ANKRD28: variants seen among roughly 807,000 people sequenced by gnomAD.
ANKRD28 encodes the protein ankyrin repeat domain 28.
Under a neutral mutation model 126.5 loss-of-function variants are expected in ANKRD28, and 44 were observed. The ratio of observed to expected loss-of-function variants is 0.35; its 90% CI spans 0.27 to 0.45. The LOEUF (loss-of-function observed/expected upper bound fraction) is 0.45. Ranked by LOEUF, ANKRD28 falls within the 20% of genes least tolerant of loss-of-function variation. ANKRD28 has a pLI of 1.00. For missense variants in ANKRD28, 1,110 were observed against 1,316.6 expected (o/e 0.84, Z 2.43); for synonymous variants, 442 against 468.5 (o/e 0.94, Z 0.73).
At chr3:15,798,273 A>G (rs2060368482), upstream of ANKRD28, 1 of 557,726 alleles carries the variant, frequency 1.8e-6, no homozygotes, top group Non-Finnish European at 2.3e-6. Flanking sequence ...TGACAGTTGC[A>G]GTAAGAATAT....
intron 17 of ANKRD28, among the ~76,000 whole-genome samples, chr3:15,690,701 A>T (rs1174596978): frequency 3.3e-5 from 5 of 152,118 alleles, no homozygotes; most frequent in Admixed American, 3.3e-4. Context: ...AGTAGCAGGG[A>T]CCAGAGGTAC....
At chr3:15,834,626 G>A (rs1231113739) in intron 1 of ANKRD28, among the ~76,000 whole-genome samples, 1 of 152,084 alleles carries the variant, frequency 6.6e-6, no homozygotes, top group Non-Finnish European at 1.5e-5. Flanking sequence ...AACAGAATCT[G>A]GCAAGACTGG....
intron 2 of ANKRD28, among the ~76,000 whole-genome samples, chr3:15,785,572 G>A (rs988059943): frequency 3.9e-5 from 6 of 152,052 alleles, no homozygotes; most frequent in Admixed American, 1.3e-4. Flanking sequence ...CCAAATGCTG[G>A]CAAGGATATG....
At chr3:15,784,475 A>G (rs1040118471) in intron 2 of ANKRD28, among the ~76,000 whole-genome samples, 3 of 151,498 alleles carry the variant, frequency 2.0e-5, no homozygotes, top group Admixed American at 1.3e-4. Flanking sequence ...ATTAATATGC[A>G]TATTGTAGAC....
rs1456480573 is a variant in ANKRD28 at position 15,760,420 on chromosome 3, G to A, written c.280+5814C>T. Among the ~76,000 whole-genome samples the A allele has an allele frequency of 1.3e-5, 2 of 152,162 alleles. 1 individual carries two copies. ...AAATTTGGTTTGAGAGTTATTTGAAGAAACAAACCTAACAGATGTTCACTT... is the reference window on the plus strand; with the variant it reads ...AAATTTGGTTTGAGAGTTATTTGAAAAAACAAACCTAACAGATGTTCACTT... On this transcript the variant is annotated intron_variant, in intron 3 of 27. Coordinates refer to ENST00000683139, the MANE Select transcript of ANKRD28 (RefSeq NM_001349278.2).
intron 2 of ANKRD28, among the ~76,000 whole-genome samples, chr3:15,767,744 C>T (rs1340668029): frequency 1.6e-5 from 2 of 126,366 alleles, no homozygotes; most frequent in Non-Finnish European, 3.3e-5. Context: ...AAAAAAAAGC[C>T]GCACGTGGTG....
Position 15,712,141 on chromosome 3 carries a change from T to G in ANKRD28, c.1272A>C (p.Ser424=). The part of the protein sequence containing the change: ...FSDCCRKLLS[S]GFDIDTPDDF... ...AAAGGCTGCAAAGGTTACACTTACCTGAAGAAAGAAGTTTTCTGCAGCAAT... is the reference window on the plus strand; with the variant it reads ...AAAGGCTGCAAAGGTTACACTTACCGGAAGAAAGAAGTTTTCTGCAGCAAT... The change falls in exon 11 of 28, where the codon TCA becomes TCC. Residue 424 remains serine (S), a splice_region_variant and synonymous_variant. Coordinates refer to ENST00000683139, the MANE Select transcript of ANKRD28 (RefSeq NM_001349278.2). The G allele has an allele frequency of 6.4e-7, 1 of 1,571,120 alleles. No homozygotes were observed. The highest frequency in any genetic ancestry group is 8.6e-7 in the Non-Finnish European group (1 of 1,157,350).
intron 1 of ANKRD28, chr3:15,859,335 C>G (rs886477378): frequency 1.3e-6 from 2 of 1,519,226 alleles, no homozygotes; most frequent in African/African-American, 2.9e-5. Flanking sequence ...GCTTCCCTTC[C>G]TTCCCGGACG....
At chr3:15,670,680 G>C (rs2066246720) in intron 27 of ANKRD28, 124 bp from the exon 28 acceptor site, 1 of 994,572 alleles carries the variant, frequency 1.0e-6, no homozygotes, top group African/African-American at 1.6e-5. Flanking sequence ...ATAATAAATT[G>C]CTGTAACCAG....
In ANKRD28 at chr3:15,804,264, T is replaced by C. The variant is rs550731577; in HGVS notation, c.28-8958A>G. ...ACAGTATATACTGAAGGCCGAGATA[T>C]AGACTATACCTGCTACCAAGTCCAT... On this transcript the variant is annotated intron_variant, in intron 1 of 27. Transcript: ENST00000399451. 1.3e-4 allele frequency among the ~76,000 whole-genome samples: 19 copies of C among 145,484 alleles called. 2 individuals are homozygous for C. Among genetic ancestry groups the C allele is most frequent in the Non-Finnish European group, 2.4e-4 (16 of 67,148 alleles).
At chr3:15,762,227 A>C (rs1413289352) in intron 3 of ANKRD28, among the ~76,000 whole-genome samples, 5 of 145,520 alleles carry the variant, frequency 3.4e-5, no homozygotes, top group African/African-American at 1.3e-4. Context: ...AACAAAAAAA[A>C]AAAAACTCTC....
chr3:15,715,290 C>T (rs559957784), intron 8 of ANKRD28, among the ~76,000 whole-genome samples: 20 of 152,244 alleles, frequency 1.3e-4, no homozygotes, highest in Middle Eastern at 6.8e-3. Context: ...ATGTTACCAA[C>T]GCAAAGGAAA....
At chr3:15,680,110 T>A (rs1280931696) in intron 21 of ANKRD28, among the ~76,000 whole-genome samples, 6 of 152,318 alleles carry the variant, frequency 3.9e-5, no homozygotes, top group African/African-American at 1.2e-4. Context: ...GCTATTTTTT[T>A]ATTTTTTTCT....
intron 3 of ANKRD28, among the ~76,000 whole-genome samples, chr3:15,755,255 C>A (rs2058092836): frequency 6.6e-6 from 1 of 152,120 alleles, no homozygotes; most frequent in Non-Finnish European, 1.5e-5. Flanking sequence ...TATCTGAGGG[C>A]AACAATGAAA....
chr3:15,764,956 T>C (rs2058672283), intron 3 of ANKRD28, among the ~76,000 whole-genome samples: 1 of 152,016 alleles, frequency 6.6e-6, no homozygotes, highest in Non-Finnish European at 1.5e-5. Context: ...ATTCTTAAAT[T>C]TTTATGAATT....
chr3:15,743,384 A>C (rs2700010), intron 4 of ANKRD28, among the ~76,000 whole-genome samples: 82,497 of 151,896 alleles, frequency 0.54, 24,146 homozygotes, highest in East Asian at 0.91. Flanking sequence ...ACAAAAAAAA[A>C]CAAAACATAT....
chr3:15,714,455 C>G lies in ANKRD28; in HGVS notation c.1075+123G>C. ...ATTTTATTTTCATGAGCTCTGAAAT[C>G]ATGTATTAAAAATACACAAAATGCG... On this transcript the variant is annotated intron_variant, in intron 9 of 27. Transcript: ENST00000683139. The G allele has an allele frequency of 4.4e-6, 3 of 679,608 alleles. No homozygotes were observed. In the South Asian group the frequency reaches 6.2e-5, roughly 14 times the overall value. The allele number at this position is 679,608 out of a possible 1,614,324, so 42.1% of individuals were successfully genotyped here.
intron 1 of ANKRD28, among the ~76,000 whole-genome samples, chr3:15,852,052 A>G (rs2061663241): frequency 2.6e-5 from 4 of 152,244 alleles, no homozygotes; most frequent in African/African-American, 7.2e-5. Flanking sequence ...GAAGCTGGCA[A>G]GAATGGAGGT....
At chr3:15,751,847 GAAATATTGTACATA>G in intron 3 of ANKRD28, 27 bp from the exon 4 acceptor site, 1 of 1,426,234 alleles carries the variant, frequency 7.0e-7, no homozygotes, top group Non-Finnish European at 9.6e-7. Context: ...AAAATAAATT[GAAATATTGTACATA>G]AAATATTTTT....
Sources: allele counts gnomAD v4.1 joint callset (sites outside exome capture counted in the v4.1 genomes callset), GRCh38; gene constraint gnomAD v4.1.1; transcripts MANE v1.5; gene names NCBI Gene and HGNC (gene_info 2026-07-23, HGNC 2026-07-21).